Variants in NUDT4 observed in about 807,000 individuals in gnomAD.
The protein encoded by NUDT4 is diphosphoinositol polyphosphate phosphohydrolase 2.
Under a neutral mutation model 23.1 loss-of-function variants are expected in NUDT4, and 5 were observed. The observed-to-expected ratio is 0.22, with a 90% confidence interval of 0.11 to 0.46. NUDT4 has a LOEUF of 0.46. Among genes scored for constraint, NUDT4 ranks in the 20% least tolerant of loss-of-function variants. The probability of loss-of-function intolerance (pLI) is 0.99; values close to 1 mark genes in which losing one functional copy is unlikely to be tolerated. For synonymous variants in NUDT4, 50 were observed against 79.0 expected (o/e 0.63, Z 1.95); for missense variants, 96 against 211.6 (o/e 0.45, Z 3.39).
intron 3 of NUDT4, among the ~76,000 whole-genome samples, chr12:93,398,123 A>G (rs1294903929): frequency 6.6e-6 from 1 of 151,942 alleles, no homozygotes; most frequent in Non-Finnish European, 1.5e-5. Context: ...TGGGTGGATC[A>G]TGAGGTCAGG....
chr12:93,397,541 T>G (rs1237729933), intron 3 of NUDT4, among the ~76,000 whole-genome samples: 2 of 152,112 alleles, frequency 1.3e-5, no homozygotes, highest in Admixed American at 6.5e-5. Context: ...ATGTTTTTTT[T>G]TTTTAGATGG....
chr12:93,394,004 G>A (rs1380429965), intron 1 of NUDT4, among the ~76,000 whole-genome samples: 2 of 152,110 alleles, frequency 1.3e-5, no homozygotes, highest in Non-Finnish European at 2.9e-5. Context: ...AATAAGCCAA[G>A]TTTCTGTTTT....
At chr12:93,393,698 A>G (rs964720560) in intron 1 of NUDT4, among the ~76,000 whole-genome samples, 6 of 152,198 alleles carry the variant, frequency 3.9e-5, no homozygotes, top group Non-Finnish European at 8.8e-5. Context: ...GTTCTAGATC[A>G]TAAATGATAG....
Position 93,398,352 on chromosome 12 carries a change from A to AG in NUDT4, c.256-419_256-418insG, listed in dbSNP as rs991857764. Among the ~76,000 whole-genome samples the AG allele has an allele frequency of 1.3e-3, 192 of 150,588 alleles. 1 individual carries two copies. The highest frequency in any genetic ancestry group is 3.8e-3 in the African/African-American group (153 of 40,522). ...ACTCCCTGTCTCAAAAAAAAAAAAAAAAAAAAAGAAAAGAACATCAGATAT... is the reference window on the plus strand; with the variant it reads ...ACTCCCTGTCTCAAAAAAAAAAAAAAGAAAAAAAGAAAAGAACATCAGATAT... On this transcript the variant is annotated intron_variant, in intron 3 of 4. Coordinates refer to ENST00000415493, the MANE Select transcript of NUDT4 (RefSeq NM_019094.6).
At chr12:93,379,477 C>G (rs973463704) in intron 1 of NUDT4, among the ~76,000 whole-genome samples, 2 of 152,170 alleles carry the variant, frequency 1.3e-5, no homozygotes, top group African/African-American at 4.8e-5. Flanking sequence ...CTGCTAGTCC[C>G]TGTAGTTGTG....
At chr12:93,379,518 T>C (rs1191914234) in intron 1 of NUDT4, among the ~76,000 whole-genome samples, 1 of 152,230 alleles carries the variant, frequency 6.6e-6, no homozygotes, top group African/African-American at 2.4e-5. Context: ...ACTCAGTGGC[T>C]TAGTTCTTGT....
chr12:93,385,450 C>T (rs1592716593), intron 1 of NUDT4, among the ~76,000 whole-genome samples: 1 of 152,134 alleles, frequency 6.6e-6, no homozygotes, highest in South Asian at 2.1e-4. Flanking sequence ...TCTCTGTCAT[C>T]GCTAATGTAA....
rs1262255169 is a variant in NUDT4, at chr12:93,378,435, C to T, written c.99+14C>T. ...CAGGAGGACGAGGTAGGGCGCCCGG[C>T]GCCGCACGCTGCCCTCCGGGGCGCC... is the stretch of plus-strand genomic sequence containing the variant. On this transcript the variant is annotated intron_variant, in intron 1 of 4. Coordinates refer to ENST00000415493, the MANE Select transcript of NUDT4 (RefSeq NM_019094.6). The T allele has an allele frequency of 6.5e-7, 1 of 1,541,150 alleles. No individual in the cohort carries two copies. The highest frequency in any genetic ancestry group is 8.8e-7 in the Non-Finnish European group (1 of 1,142,032).
intron 1 of NUDT4, among the ~76,000 whole-genome samples, chr12:93,391,789 CTA>C (rs1263497444): frequency 6.6e-6 from 1 of 152,116 alleles, no homozygotes; most frequent in East Asian, 1.9e-4. Context: ...GTGATAAACC[CTA>C]TGTGTTTTCG....
intron 1 of NUDT4, among the ~76,000 whole-genome samples, chr12:93,386,447 G>A (rs978609287): frequency 6.6e-6 from 1 of 152,088 alleles, no homozygotes; most frequent in Non-Finnish European, 1.5e-5. Flanking sequence ...GAGCATGGTG[G>A]TGTGTACCTG....
chr12:93,391,564 CA>C (rs35273143), intron 1 of NUDT4, among the ~76,000 whole-genome samples: 49,536 of 115,940 alleles, frequency 0.43, 8,654 homozygotes, highest in African/African-American at 0.56. Context: ...GACTCCATTT[CA>C]AAAAAAAAAA....
In NUDT4 at chr12:93,403,719, GA is replaced by G. The variant is rs1391798681; in HGVS notation, c.*4341del. ...CAAAAGCAATACAATTTTATTTGTA[GA>G]CGTGATTTCCCCCACCAAATGCACA... On this transcript the variant is annotated 3_prime_UTR_variant, in exon 5 of 5. Coordinates refer to ENST00000415493, the MANE Select transcript of NUDT4 (RefSeq NM_019094.6). 6.6e-6 allele frequency: 1 copy of G among 152,134 alleles called. No homozygotes were observed. Among genetic ancestry groups the G allele is most frequent in the East Asian group, 1.9e-4 (1 of 5,200 alleles). The allele number at this position is 152,134 out of a possible 1,614,324, so 9.4% of individuals were successfully genotyped here. A position where few individuals can be genotyped will look rare whatever the true frequency, so the allele number is the denominator to read the frequency against.
At chr12:93,382,817 A>G (rs777980213) in intron 1 of NUDT4, among the ~76,000 whole-genome samples, 92 of 151,962 alleles carry the variant, frequency 6.1e-4, no homozygotes, top group Non-Finnish European at 1.0e-3. Context: ...AGCCGCCACC[A>G]TACCTGGCTA....
chr12:93,386,465 A>G lies in NUDT4; in HGVS notation c.99+8044A>G, dbSNP rs554698426. On this transcript the variant is annotated intron_variant, in intron 1 of 4. Transcript: ENST00000415493. ...CATGGTGGTGTGTACCTGTAATCCC[A>G]GCTACTCAGGAGGCTTACGCACGAG... Among the ~76,000 whole-genome samples the G allele has an allele frequency of 2.0e-5, 3 of 152,216 alleles. No individual in the cohort carries two copies. In the East Asian group the frequency reaches 5.8e-4, roughly 29 times the overall value.
At chr12:93,386,343 G>A (rs756336126) in intron 1 of NUDT4, among the ~76,000 whole-genome samples, 2 of 152,026 alleles carry the variant, frequency 1.3e-5, no homozygotes, top group Non-Finnish European at 2.9e-5. Context: ...TTGGGAGGCC[G>A]AGGTGGGTGG....
Position 93,398,823 on chromosome 12 carries a change from T to C in NUDT4, c.308T>C (p.Ile103Thr), listed in dbSNP as rs748122836. The C allele has an allele frequency of 1.2e-6, 2 of 1,601,606 alleles. No homozygotes were observed. The highest frequency in any genetic ancestry group is 1.7e-6 in the Non-Finnish European group (2 of 1,169,620). Residue 103 changes from isoleucine to threonine, a missense_variant, in exon 4 of 5, where the codon ATA (isoleucine) becomes ACA (threonine). Transcript: ENST00000415493. ...GTTTATGTTCTAACAGTCACTGAAA[T>C]ATTAGAAGATTGGGAAGATTCTGTT... Reference protein sequence around the residue: ...TYVYVLTVTEILEDWEDSVNI... With the variant: ...TYVYVLTVTETLEDWEDSVNI...
At position 93,408,021 on chromosome 12, in the gene NUDT4, G is replaced by C. The variant is rs1273082571; in HGVS notation, c.*8642G>C. ...TCACAAATTTAGCAGACATCATTTA[G>C]ACATTTTTGTAGTGCAACAGATTTA... is the stretch of plus-strand genomic sequence containing the variant. On this transcript the variant is annotated 3_prime_UTR_variant, in exon 5 of 5. Coordinates refer to ENST00000415493, the MANE Select transcript of NUDT4 (RefSeq NM_019094.6). 6.6e-6 allele frequency: 1 copy of C among 152,212 alleles called. No homozygotes were observed. The highest frequency in any genetic ancestry group is 2.4e-5 in the African/African-American group (1 of 41,466). 9.4% of individuals were successfully genotyped at this position (152,212 alleles called of 1,614,324 possible).
chr12:93,398,593 A>G (rs1877111718), intron 3 of NUDT4, among the ~76,000 whole-genome samples, 178 bp from the exon 4 acceptor site: 1 of 152,152 alleles, frequency 6.6e-6, no homozygotes, highest in African/African-American at 2.4e-5. Flanking sequence ...TAACTTTTAA[A>G]TGTTTTGTCT....
At chr12:93,394,104 G>A (rs902880225) in intron 1 of NUDT4, among the ~76,000 whole-genome samples, 5 of 151,960 alleles carry the variant, frequency 3.3e-5, no homozygotes, top group Non-Finnish European at 5.9e-5. Flanking sequence ...CTGGGTTCAA[G>A]CGATTCTCCT....
Sources: allele counts gnomAD v4.1 joint callset (sites outside exome capture counted in the v4.1 genomes callset), GRCh38; gene constraint gnomAD v4.1.1; transcripts MANE v1.5; gene names NCBI Gene and HGNC (gene_info 2026-07-23, HGNC 2026-07-21).